Variants in ZNF277 observed in about 807,000 individuals in gnomAD.
The protein encoded by ZNF277 is zinc finger protein 277.
In ZNF277, 55 loss-of-function variants were observed where a neutral mutation model predicts 60.7. The observed-to-expected ratio is 0.91, with a 90% CI of 0.73 to 1.13. ZNF277 has a LOEUF of 1.13. Among genes scored for constraint, ZNF277 ranks in the 50% most tolerant of loss-of-function variants. The pLI is 0.00. For missense variants in ZNF277, 510 were observed against 523.0 expected (o/e 0.98, Z 0.24); for synonymous variants, 178 against 179.3 (o/e 0.99, Z 0.06).
At chr7:112,335,595 T>C (rs1342636723) in intron 7 of ZNF277, among the ~76,000 whole-genome samples, 1 of 151,988 alleles carries the variant, frequency 6.6e-6, no homozygotes, top group Non-Finnish European at 1.5e-5. Flanking sequence ...TTTAATCACC[T>C]TAAAAAAACC....
intron 4 of ZNF277, among the ~76,000 whole-genome samples, chr7:112,313,692 AT>A (rs1316337159): frequency 6.6e-6 from 1 of 152,130 alleles, no homozygotes; most frequent in African/African-American, 2.4e-5. Context: ...TAGTTTACAT[AT>A]GTAGTAGACC....
intron 1 of ZNF277, among the ~76,000 whole-genome samples, chr7:112,224,748 T>C (rs1283253489): frequency 1.3e-5 from 2 of 152,152 alleles, no homozygotes; most frequent in South Asian, 4.1e-4. Flanking sequence ...CAGAGGAACA[T>C]GACTAAAATA....
chr7:112,329,253 A>G (rs776831292), intron 6 of ZNF277, among the ~76,000 whole-genome samples: 101 of 152,286 alleles, frequency 6.6e-4, no homozygotes, highest in African/African-American at 2.4e-3. Context: ...ATACTTAGAC[A>G]CTATATGGCT....
At chr7:112,223,680 G>A (rs1249325230) in intron 1 of ZNF277, among the ~76,000 whole-genome samples, 1 of 152,166 alleles carries the variant, frequency 6.6e-6, no homozygotes, top group Admixed American at 6.5e-5. Context: ...TCCCACAAAG[G>A]CGCTTTTGTC....
chr7:112,263,239 G>A (rs1791473477), intron 1 of ZNF277, among the ~76,000 whole-genome samples: 1 of 152,170 alleles, frequency 6.6e-6, no homozygotes, highest in Non-Finnish European at 1.5e-5. Flanking sequence ...AGAGGTTAGG[G>A]ACTGGCCAAC....
intron 1 of ZNF277, among the ~76,000 whole-genome samples, chr7:112,243,263 GGT>G (rs1791002236): frequency 6.6e-6 from 1 of 151,816 alleles, no homozygotes; most frequent in Non-Finnish European, 1.5e-5. Flanking sequence ...TTTGGACATT[GGT>G]CTAGGCAAAG....
chr7:112,308,849 C>T (rs913614293), intron 4 of ZNF277, among the ~76,000 whole-genome samples: 9 of 151,972 alleles, frequency 5.9e-5, no homozygotes, highest in Admixed American at 4.6e-4. Flanking sequence ...AATGAAGACC[C>T]AAAGAAATGG....
At chr7:112,215,944 C>A (rs573471057) in intron 1 of ZNF277, among the ~76,000 whole-genome samples, 1 of 152,136 alleles carries the variant, frequency 6.6e-6, no homozygotes, top group Non-Finnish European at 1.5e-5. Flanking sequence ...ATCCTGTACC[C>A]GCTAATCGTA....
At position 112,301,995 on chromosome 7, in the gene ZNF277, C is replaced by T. The variant is rs372349833; in HGVS notation, c.465+5684C>T. ...ACTTTGCACTTCAACATAAAAAAAT[C>T]CTCAGTTTTTCCTTTGTCTACAGGA... On this transcript the variant is annotated intron_variant, in intron 4 of 11. Transcript: ENST00000361822. Among the ~76,000 whole-genome samples, 287 of 152,158 alleles carry T rather than the reference C, an allele frequency of 1.9e-3. 5 individuals carry two copies. In the South Asian group the frequency reaches 0.022, roughly 11 times the overall value.
chr7:112,289,014 C>CATGTGTACCTGATAAATGGTAG (rs1204222489), intron 2 of ZNF277: 12 of 133,642 alleles, frequency 9.0e-5, no homozygotes, highest in Non-Finnish European at 1.4e-4. Context: ...GTGCCTGAGA[C>CATGTGTACCTGATAAATGGTAG]ATGTGTACCT....
intron 6 of ZNF277, among the ~76,000 whole-genome samples, chr7:112,329,068 C>T (rs1424713851): frequency 2.0e-5 from 3 of 151,954 alleles, no homozygotes; most frequent in Non-Finnish European, 4.4e-5. Context: ...CAGCTTATCA[C>T]CCATAAATTG....
At chr7:112,330,034 C>T (rs563996644) in intron 6 of ZNF277, 50 bp from the exon 7 acceptor site, 1 of 1,558,996 alleles carries the variant, frequency 6.4e-7, no homozygotes, top group Non-Finnish European at 8.6e-7. Context: ...AGGATTATTG[C>T]AGCAACTATA....
intron 1 of ZNF277, among the ~76,000 whole-genome samples, chr7:112,264,934 GTT>G (rs1791515164): frequency 6.6e-6 from 1 of 152,192 alleles, no homozygotes; most frequent in African/African-American, 2.4e-5. Flanking sequence ...TTGCCTCAAT[GTT>G]TGTCTGCTGA....
At chr7:112,239,581 ACT>A (rs1790895296) in intron 1 of ZNF277, among the ~76,000 whole-genome samples, 1 of 152,118 alleles carries the variant, frequency 6.6e-6, no homozygotes, top group Non-Finnish European at 1.5e-5. Context: ...AGAACAAGAG[ACT>A]CTGCCTGTTA....
At chr7:112,211,274 A>G (rs539626424) in intron 1 of ZNF277, among the ~76,000 whole-genome samples, 1 of 152,346 alleles carries the variant, frequency 6.6e-6, no homozygotes, top group South Asian at 2.1e-4. Context: ...AGCATCCTTG[A>G]TTCCTAACTC....
intron 1 of ZNF277, among the ~76,000 whole-genome samples, chr7:112,264,829 G>A (rs569027392): frequency 6.6e-6 from 1 of 152,166 alleles, no homozygotes; most frequent in South Asian, 2.1e-4. Flanking sequence ...AAAAAATAAT[G>A]TACATACCTT....
intron 1 of ZNF277, among the ~76,000 whole-genome samples, chr7:112,229,656 A>T (rs1270375761): frequency 6.6e-6 from 1 of 152,230 alleles, no homozygotes; most frequent in Non-Finnish European, 1.5e-5. Flanking sequence ...GCAAGCATTT[A>T]TTAAGCACTA....
chr7:112,241,173 T>C (rs1271402988), intron 1 of ZNF277, among the ~76,000 whole-genome samples: 1 of 151,862 alleles, frequency 6.6e-6, no homozygotes, highest in African/African-American at 2.4e-5. Context: ...AAAAATCTAA[T>C]AATCTCATTT....
chr7:112,240,168 C>T (rs1048721105), intron 1 of ZNF277, among the ~76,000 whole-genome samples: 1 of 151,728 alleles, frequency 6.6e-6, no homozygotes, highest in African/African-American at 2.4e-5. Context: ...TTTATGAACA[C>T]GAAGACTAGA....
Sources: allele counts gnomAD v4.1 joint callset (sites outside exome capture counted in the v4.1 genomes callset), GRCh38; gene constraint gnomAD v4.1.1; transcripts MANE v1.5; gene names NCBI Gene and HGNC (gene_info 2026-07-23, HGNC 2026-07-21).